EIF4G3: variants seen among roughly 807,000 people sequenced by gnomAD.
EIF4G3 encodes the protein eukaryotic translation initiation factor 4 gamma 3, also known as eIF-4-gamma 3.
A neutral mutation model predicts 186.4 loss-of-function variants in EIF4G3; 34 were observed. The observed-to-expected ratio is 0.18, with a 90% CI of 0.14 to 0.24. The LOEUF is 0.24. EIF4G3 is among the 10% of genes least tolerant of loss of function. The pLI is 1.00. For missense variants in EIF4G3, 1,536 were observed against 1,948.5 expected, an observed-to-expected ratio of 0.79 and a Z score of 3.99; for synonymous variants, 673 against 679.5, an observed-to-expected ratio of 0.99 and a Z score of 0.15.
chr1:20,884,586 T>A (rs2154554767), intron 19 of EIF4G3, among the ~76,000 whole-genome samples: 1 of 152,276 alleles, frequency 6.6e-6, no homozygotes, highest in South Asian at 2.1e-4. Context: ...AAAAGACTTT[T>A]TTTTCTTTTT....
At chr1:21,098,495 C>T (rs1453584593) in intron 2 of EIF4G3, among the ~76,000 whole-genome samples, 4 of 135,920 alleles carry the variant, frequency 2.9e-5, no homozygotes, top group South Asian at 2.3e-4. Flanking sequence ...GCAGAGATCA[C>T]GCCACAGTAC....
rs543764682 is a variant in EIF4G3 at position 20,869,053 on chromosome 1, T to C, written c.2623-3791A>G. 2.6e-5 allele frequency among the ~76,000 whole-genome samples: 4 copies of C among 152,232 alleles called. No individual in the cohort carries two copies. The East Asian group carries it at 7.7e-4, about 29-fold the overall frequency. On this transcript the variant is annotated intron_variant, in intron 20 of 36. Coordinates refer to ENST00000602326, the MANE Select transcript of EIF4G3 (RefSeq NM_001391906.1). ...GAATCATCAAGGGTTGTCAGCAGTG[T>C]AGTAATTATGGTAATCAAACAGAAA...
intron 14 of EIF4G3, among the ~76,000 whole-genome samples, chr1:20,908,137 A>G (rs1372254640): frequency 6.6e-6 from 1 of 152,094 alleles, no homozygotes; most frequent in African/African-American, 2.4e-5. Flanking sequence ...CATTTCTCTG[A>G]TGGCCAGTGA....
chr1:20,924,800 G>C (rs2094752937), intron 14 of EIF4G3, among the ~76,000 whole-genome samples: 1 of 152,202 alleles, frequency 6.6e-6, no homozygotes, highest in South Asian at 2.1e-4. Context: ...GACCTCAGGT[G>C]ATCTGCCCAC....
intron 24 of EIF4G3, among the ~76,000 whole-genome samples, chr1:20,858,381 T>C (rs2075551455): frequency 6.6e-6 from 1 of 152,114 alleles, no homozygotes; most frequent in Non-Finnish European, 1.5e-5. Context: ...GTCTTTGTAC[T>C]TACTACTCCC....
Position 21,165,734 on chromosome 1 carries a change from T to C in EIF4G3, c.-272+10441A>G, listed in dbSNP as rs75709439. The stretch of plus-strand genomic sequence containing the variant: ...AGGTTCCTTTGGGGAGTGACAAAAA[T>C]ATTCTAAAATTATGGTAGTAGTTGT... On this transcript the variant is annotated intron_variant, in intron 2 of 36. Coordinates refer to ENST00000602326, the MANE Select transcript of EIF4G3 (RefSeq NM_001391906.1). 6.0e-3 allele frequency among the ~76,000 whole-genome samples: 910 copies of C among 152,116 alleles called. 13 individuals carry two copies. The highest frequency in any genetic ancestry group is 0.024 in the East Asian group (125 of 5,174).
At chr1:21,100,391 T>A (rs1290158045) in intron 2 of EIF4G3, among the ~76,000 whole-genome samples, 1 of 152,220 alleles carries the variant, frequency 6.6e-6, no homozygotes, top group Non-Finnish European at 1.5e-5. Flanking sequence ...ATCTCAATAA[T>A]GCTGTTACCA....
intron 14 of EIF4G3, among the ~76,000 whole-genome samples, chr1:20,912,010 C>G (rs2093301451): frequency 6.6e-6 from 1 of 152,026 alleles, no homozygotes; most frequent in African/African-American, 2.4e-5. Context: ...AAAAATAAGG[C>G]CAGGTATGGT....
At chr1:21,176,553 G>A (rs1265611630) in intron 1 of EIF4G3, among the ~76,000 whole-genome samples, 169 bp downstream of exon 1, 2 of 139,134 alleles carry the variant, frequency 1.4e-5, no homozygotes, top group African/African-American at 2.6e-5. Context: ...GCCGGGGCCG[G>A]TCACACACGC....
chr1:21,091,669 G>C (rs2096206442), intron 2 of EIF4G3, among the ~76,000 whole-genome samples: 1 of 151,968 alleles, frequency 6.6e-6, no homozygotes, highest in Admixed American at 6.6e-5. Context: ...TTATTTCGTT[G>C]AGCAGTAGTT....
At chr1:20,894,374 A>G (rs905702642) in intron 17 of EIF4G3, among the ~76,000 whole-genome samples, 3 of 152,250 alleles carry the variant, frequency 2.0e-5, no homozygotes, top group African/African-American at 7.2e-5. Flanking sequence ...AATTAGCACC[A>G]TTAATCAGTC....
chr1:21,141,838 G>A (rs1040644299), intron 2 of EIF4G3, among the ~76,000 whole-genome samples: 3 of 151,904 alleles, frequency 2.0e-5, no homozygotes, highest in Non-Finnish European at 4.4e-5. Flanking sequence ...GGTTGAAGGG[G>A]AAGAATCGCT....
At chr1:20,966,218 TA>T (rs2154565133) in intron 12 of EIF4G3, among the ~76,000 whole-genome samples, 1 of 152,360 alleles carries the variant, frequency 6.6e-6, no homozygotes, top group South Asian at 2.1e-4. Flanking sequence ...AGGCCAATAC[TA>T]CAGTATTTAC....
chr1:21,032,247 CA>C (rs2092808522), intron 4 of EIF4G3, among the ~76,000 whole-genome samples: 1 of 152,072 alleles, frequency 6.6e-6, no homozygotes. Context: ...TAAAATCCAG[CA>C]AAAGGATAGG....
chr1:21,101,246 C>T (rs530713998), intron 2 of EIF4G3, among the ~76,000 whole-genome samples: 1 of 151,116 alleles, frequency 6.6e-6, no homozygotes, highest in African/African-American at 2.4e-5. Flanking sequence ...TCAAGAATTT[C>T]ATCTTAATTT....
At chr1:21,010,419 C>CAAAAAAAAAAAAAAAAAAAAAAAAAAAA (rs11318361) in intron 4 of EIF4G3, among the ~76,000 whole-genome samples, 2 of 101,146 alleles carry the variant, frequency 2.0e-5, no homozygotes, top group African/African-American at 4.0e-5. Context: ...GACTCTGTCT[C>CAAAAAAAAAAAAAAAAAAAAAAAAAAAA]AAAAAAAAAA....
intron 2 of EIF4G3, among the ~76,000 whole-genome samples, chr1:21,103,038 T>C (rs1197806740): frequency 2.6e-5 from 4 of 152,210 alleles, no homozygotes; most frequent in African/African-American, 9.6e-5. Context: ...TATTTGGATG[T>C]ATTTTTTAAA....
At chr1:21,056,642 A>C (rs1219031213) in intron 3 of EIF4G3, among the ~76,000 whole-genome samples, 1 of 152,244 alleles carries the variant, frequency 6.6e-6, no homozygotes, top group African/African-American at 2.4e-5. Flanking sequence ...TCTATTATCT[A>C]GCTAAGGGTT....
At chr1:21,078,439 G>C (rs554583361) in intron 3 of EIF4G3, among the ~76,000 whole-genome samples, 19 of 152,326 alleles carry the variant, frequency 1.2e-4, no homozygotes, top group African/African-American at 4.1e-4. Context: ...ATGGTTACCA[G>C]AGGCTGGGAA....
Sources: gnomAD v4.1 joint callset for allele counts (sites outside exome capture counted in the v4.1 genomes callset) on GRCh38, gnomAD v4.1.1 for gene constraint, MANE v1.5 for transcripts, NCBI Gene and HGNC (gene_info 2026-07-23, HGNC 2026-07-21) for gene names.